PITPNC1: variants seen among roughly 807,000 people sequenced by gnomAD.
The protein encoded by PITPNC1 is cytoplasmic phosphatidylinositol transfer protein 1.
In PITPNC1, 18 loss-of-function variants were observed where a neutral mutation model predicts 44.7. That is an observed-to-expected ratio of 0.40 (90% CI 0.28 to 0.60). The LOEUF (loss-of-function observed/expected upper bound fraction) is 0.60. PITPNC1 is among the 20% of genes least tolerant of loss of function. PITPNC1 has a pLI of 0.39. For synonymous variants in PITPNC1, 141 were observed against 149.6 expected (o/e 0.94, Z 0.42); for missense variants, 290 against 418.4 (o/e 0.69, Z 2.68).
chr17:67,577,381 A>G (rs2144229498), intron 4 of PITPNC1, among the ~76,000 whole-genome samples: 1 of 152,234 alleles, frequency 6.6e-6, no homozygotes, highest in East Asian at 1.9e-4. Flanking sequence ...TGAGCTCAGG[A>G]GTTCGAGACC....
chr17:67,432,368 G>C (rs1271099103), intron 1 of PITPNC1, among the ~76,000 whole-genome samples: 6 of 152,056 alleles, frequency 3.9e-5, no homozygotes, highest in Admixed American at 3.9e-4. Context: ...GGCACCTGTA[G>C]TCCCAGCTAC....
At chr17:67,669,749 C>G in intron 7 of PITPNC1, 86 bp downstream of exon 7, 1 of 939,324 alleles carries the variant, frequency 1.1e-6, no homozygotes. Context: ...ACAACAGGTG[C>G]ACAAATACAT....
intron 1 of PITPNC1, among the ~76,000 whole-genome samples, chr17:67,440,174 T>C (rs962037173): frequency 2.0e-5 from 3 of 152,138 alleles, no homozygotes; most frequent in Non-Finnish European, 4.4e-5. Flanking sequence ...GGGTAAATAA[T>C]ATTTTGATGC....
At chr17:67,643,918 G>A (rs545909398) in intron 6 of PITPNC1, among the ~76,000 whole-genome samples, 4 of 152,292 alleles carry the variant, frequency 2.6e-5, no homozygotes, top group East Asian at 3.9e-4. Flanking sequence ...CGTGAGTGGC[G>A]TCACAGGAGT....
chr17:67,690,448 C>A (rs375300015), intron 8 of PITPNC1, among the ~76,000 whole-genome samples: 994 of 112,634 alleles, frequency 8.8e-3, no homozygotes, highest in African/African-American at 9.8e-3. Flanking sequence ...AACTCTGTCT[C>A]AAAAAAAAAA....
chr17:67,528,333 C>T (rs902720263), intron 1 of PITPNC1, among the ~76,000 whole-genome samples: 3 of 152,196 alleles, frequency 2.0e-5, no homozygotes, highest in Non-Finnish European at 2.9e-5. Flanking sequence ...TGAGCCGCTG[C>T]GCCCAGCCAG....
intron 5 of PITPNC1, among the ~76,000 whole-genome samples, chr17:67,619,173 A>G (rs757876046): frequency 4.6e-5 from 7 of 152,258 alleles, no homozygotes; most frequent in Non-Finnish European, 8.8e-5. Flanking sequence ...TCTAACAGGC[A>G]TGTCCATGAA....
At chr17:67,669,784 T>C in intron 7 of PITPNC1, 121 bp downstream of exon 7, 1 of 717,374 alleles carries the variant, frequency 1.4e-6, no homozygotes, top group Non-Finnish European at 2.3e-6. Context: ...TCAAAAACAC[T>C]TTTTGGGCCG....
At chr17:67,603,629 G>T (rs1241078868) in intron 5 of PITPNC1, among the ~76,000 whole-genome samples, 1 of 152,130 alleles carries the variant, frequency 6.6e-6, no homozygotes, top group East Asian at 1.9e-4. Flanking sequence ...CTCTAAAAAT[G>T]AAATAAGACT....
At chr17:67,692,004 G>A (rs958791817) in intron 8 of PITPNC1, among the ~76,000 whole-genome samples, 5 of 149,998 alleles carry the variant, frequency 3.3e-5, no homozygotes, top group South Asian at 4.2e-4. Context: ...GTGAGATCCC[G>A]TCTCAGAAAG....
chr17:67,385,881 A>T (rs962923744), intron 1 of PITPNC1, among the ~76,000 whole-genome samples: 3 of 152,210 alleles, frequency 2.0e-5, no homozygotes, highest in Non-Finnish European at 4.4e-5. Flanking sequence ...GACTCTGTCC[A>T]TGAAGGAAGC....
At chr17:67,407,966 T>C (rs1167725374) in intron 1 of PITPNC1, among the ~76,000 whole-genome samples, 1 of 152,018 alleles carries the variant, frequency 6.6e-6, no homozygotes, top group Non-Finnish European at 1.5e-5. Context: ...TATTTTATTT[T>C]ATTTTTTGAG....
intron 1 of PITPNC1, among the ~76,000 whole-genome samples, chr17:67,475,031 C>T: frequency 6.6e-6 from 1 of 152,210 alleles, no homozygotes; most frequent in East Asian, 1.9e-4. Flanking sequence ...AAGAGCTAAG[C>T]TGCTCTAGTG....
In PITPNC1 at chr17:67,669,651, A is replaced by G; in HGVS notation, c.606A>G (p.Gln202=). The G allele has an allele frequency of 6.3e-7, 1 of 1,594,780 alleles. No individual in the cohort carries two copies. Among genetic ancestry groups the G allele is most frequent in the Admixed American group, 1.8e-5 (1 of 56,776 alleles). ...EVWGLQTRVE[Q]FVHKVVRDIL... is the part of the protein sequence containing the mutation. ...GGGGGCTTCAGACCAGAGTGGAACA[A>G]TTTGTACACAAGGTAAGTGGTCCAA... is the stretch of plus-strand genomic sequence containing the variant. Residue 202 remains glutamine (Q), a synonymous_variant, in exon 7 of 9, where the codon CAA becomes CAG. Transcript: ENST00000581322.
At chr17:67,528,991 A>C (rs1455621755) in intron 1 of PITPNC1, among the ~76,000 whole-genome samples, 1 of 152,064 alleles carries the variant, frequency 6.6e-6, no homozygotes, top group Non-Finnish European at 1.5e-5. Context: ...GGAGGGGAAG[A>C]AGTGACGGCT....
intron 1 of PITPNC1, among the ~76,000 whole-genome samples, chr17:67,500,432 G>A (rs2040010480): frequency 6.6e-6 from 1 of 152,148 alleles, no homozygotes. Context: ...CCATTTATAT[G>A]AAATATCCAG....
chr17:67,387,359 T>C (rs1296771449), intron 1 of PITPNC1, among the ~76,000 whole-genome samples: 1 of 152,112 alleles, frequency 6.6e-6, no homozygotes, highest in Non-Finnish European at 1.5e-5. Flanking sequence ...CCATCTACAA[T>C]AGCTTTTTCC....
At chr17:67,653,346 T>A (rs1036445313) in intron 6 of PITPNC1, among the ~76,000 whole-genome samples, 1 of 151,876 alleles carries the variant, frequency 6.6e-6, no homozygotes, top group Non-Finnish European at 1.5e-5. Flanking sequence ...GAAGATGCAG[T>A]GAGAATGTGA....
chr17:67,690,403 T>G (rs58511295), intron 8 of PITPNC1, among the ~76,000 whole-genome samples: 73,873 of 148,234 alleles, frequency 0.5, 19,087 homozygotes, highest in Admixed American at 0.61. Context: ...AGCCGAGATC[T>G]CGCCGTTGCA....
Sources: gnomAD v4.1 joint callset for allele counts (sites outside exome capture counted in the v4.1 genomes callset) on GRCh38, gnomAD v4.1.1 for gene constraint, MANE v1.5 for transcripts, NCBI Gene and HGNC (gene_info 2026-07-23, HGNC 2026-07-21) for gene names.